INSIG2: variants seen among roughly 807,000 people sequenced by gnomAD.
The protein encoded by INSIG2 is insulin induced gene 2, also known as insulin-induced gene 2 protein.
In INSIG2, 10 loss-of-function variants were observed where a neutral mutation model predicts 27.2. The ratio of observed to expected loss-of-function variants is 0.37; its 90% confidence interval spans 0.23 to 0.62. The LOEUF (loss-of-function observed/expected upper bound fraction) is 0.62. INSIG2 is among the 20% of genes least tolerant of loss of function. The pLI is 0.65. For synonymous variants in INSIG2, 97 were observed against 95.8 expected (o/e 1.01, Z -0.07); for missense variants, 178 against 270.2 (o/e 0.66, Z 2.39).
At chr2:118,100,366 C>T (rs989573086) in intron 2 of INSIG2, among the ~76,000 whole-genome samples, 1 of 129,926 alleles carries the variant, frequency 7.7e-6, no homozygotes, top group Non-Finnish European at 1.6e-5. Context: ...GTATCTTACT[C>T]TTTTGCCTTT....
chr2:118,099,917 T>C (rs544663836), intron 2 of INSIG2, among the ~76,000 whole-genome samples: 12 of 152,308 alleles, frequency 7.9e-5, no homozygotes, highest in African/African-American at 2.9e-4. Context: ...AGCCCCCTTG[T>C]ATGGTACCCT....
chr2:118,090,557 A>G (rs1471931773), intron 1 of INSIG2, among the ~76,000 whole-genome samples: 2 of 152,224 alleles, frequency 1.3e-5, no homozygotes, highest in Non-Finnish European at 2.9e-5. Context: ...TCATTGATCT[A>G]TGCAAATTAT....
chr2:118,104,690 A>G (rs559530323), intron 3 of INSIG2, among the ~76,000 whole-genome samples: 3 of 152,338 alleles, frequency 2.0e-5, no homozygotes, highest in Admixed American at 6.5e-5. Context: ...AGCAGAGCTG[A>G]GAACAGCCCT....
chr2:118,096,167 G>A (rs1678399391), intron 1 of INSIG2, among the ~76,000 whole-genome samples: 1 of 152,064 alleles, frequency 6.6e-6, no homozygotes, highest in Non-Finnish European at 1.5e-5. Flanking sequence ...CTAACCTTCA[G>A]GTCTCTTAGG....
chr2:118,093,633 A>T (rs531740755), intron 1 of INSIG2, among the ~76,000 whole-genome samples: 2 of 75,672 alleles, frequency 2.6e-5, no homozygotes, highest in South Asian at 1.4e-3. Context: ...TAGCTACTGA[A>T]CCTTGCTAAA....
In INSIG2 at chr2:118,108,841, C is replaced by T. The variant is rs1678741917; in HGVS notation, c.*519C>T. The T allele has an allele frequency of 6.6e-6, 1 of 152,152 alleles. No individual in the cohort carries two copies. Among genetic ancestry groups the T allele is most frequent in the Non-Finnish European group, 1.5e-5 (1 of 68,026 alleles). The allele number at this position is 152,152 out of a possible 1,614,324, so 9.4% of individuals were successfully genotyped here. On this transcript the variant is annotated 3_prime_UTR_variant, in exon 6 of 6. Coordinates refer to ENST00000245787, the MANE Select transcript of INSIG2 (RefSeq NM_016133.4). ...ATCACAGCAGTATGAGTTATGAGTG[C>T]CCTAATTTGTGGTTAGTTTCTAATT...
intron 2 of INSIG2, among the ~76,000 whole-genome samples, chr2:118,097,068 G>A (rs1678425465): frequency 6.6e-6 from 1 of 151,868 alleles, no homozygotes; most frequent in South Asian, 2.1e-4. Context: ...CCCACCCCCA[G>A]CCTCAGGCTA....
chr2:118,104,449 T>A (rs1678625207), intron 3 of INSIG2, among the ~76,000 whole-genome samples: 1 of 152,206 alleles, frequency 6.6e-6, no homozygotes, highest in East Asian at 1.9e-4. Context: ...TTAGTTTTAA[T>A]TTCTGTTTGT....
chr2:118,093,300 TGAGGAGGAGGAG>T (rs1204152140), intron 1 of INSIG2, among the ~76,000 whole-genome samples: 2 of 8,270 alleles, frequency 2.4e-4, no homozygotes, highest in Admixed American at 1.2e-3. Flanking sequence ...ATGATGATGA[TGAGGAGGAGGAG>T]GAGGAGGAGG....
intron 2 of INSIG2, among the ~76,000 whole-genome samples, chr2:118,102,002 TTC>T (rs1381658961): frequency 2.0e-5 from 3 of 152,208 alleles, no homozygotes; most frequent in Non-Finnish European, 4.4e-5. Flanking sequence ...ACTAATTGGT[TTC>T]TGTTTTTCTT....
intron 2 of INSIG2, among the ~76,000 whole-genome samples, chr2:118,098,465 T>C (rs1678463459): frequency 6.6e-6 from 1 of 152,144 alleles, no homozygotes; most frequent in Admixed American, 6.6e-5. Flanking sequence ...CAGTGAGTGG[T>C]GTGACTGGGT....
chr2:118,101,633 G>A (rs955882497), intron 2 of INSIG2, among the ~76,000 whole-genome samples: 3 of 152,076 alleles, frequency 2.0e-5, no homozygotes, highest in African/African-American at 7.2e-5. Context: ...GAAAAAAAGA[G>A]GTGATATTCG....
intron 2 of INSIG2, among the ~76,000 whole-genome samples, chr2:118,097,737 A>G (rs1178094728): frequency 1.3e-5 from 2 of 152,226 alleles, no homozygotes; most frequent in African/African-American, 4.8e-5. Context: ...TTGAAGGAGA[A>G]AATTGCTTTT....
At chr2:118,102,359 A>G (rs1678567585) in intron 2 of INSIG2, among the ~76,000 whole-genome samples, 1 of 152,244 alleles carries the variant, frequency 6.6e-6, no homozygotes, top group Admixed American at 6.5e-5. Context: ...AATCATTGAC[A>G]TTTTATATAC....
rs1678790453 is a variant in INSIG2 at position 118,110,653 on chromosome 2, T to C, written c.*2331T>C. On this transcript the variant is annotated 3_prime_UTR_variant, in exon 6 of 6. Coordinates refer to ENST00000245787, the MANE Select transcript of INSIG2 (RefSeq NM_016133.4). ...GCAAAAAATAAAATTGTTTTGAAAT[T>C]TTGATAAATATATAAATGTATAGAA... 6.6e-6 allele frequency: 1 copy of C among 152,208 alleles called. No homozygotes were observed. The allele number at this position is 152,208 out of a possible 1,614,324, so 9.4% of individuals were successfully genotyped here. A position where few individuals can be genotyped will look rare whatever the true frequency, so the allele number is the denominator to read the frequency against.
At chr2:118,093,857 T>A (rs1333959696) in intron 1 of INSIG2, among the ~76,000 whole-genome samples, 4 of 91,918 alleles carry the variant, frequency 4.4e-5, no homozygotes, top group Admixed American at 2.1e-4. Flanking sequence ...CAGATGATGA[T>A]GATGATGAGG....
chr2:118,089,295 A>G (rs983363373), intron 1 of INSIG2, among the ~76,000 whole-genome samples: 4 of 152,180 alleles, frequency 2.6e-5, no homozygotes, highest in African/African-American at 9.7e-5. Flanking sequence ...TAGATGCTCT[A>G]GGAAAATATA....
intron 1 of INSIG2, among the ~76,000 whole-genome samples, chr2:118,092,557 A>G (rs1678280301): frequency 6.6e-6 from 1 of 152,158 alleles, no homozygotes; most frequent in Admixed American, 6.6e-5. Flanking sequence ...AGCAGTTGAG[A>G]TGGAATGGAA....
chr2:118,101,410 A>C (rs189807465), intron 2 of INSIG2, among the ~76,000 whole-genome samples: 2 of 152,354 alleles, frequency 1.3e-5, no homozygotes, highest in South Asian at 2.1e-4. Flanking sequence ...CATCACATGC[A>C]TAAAAATATA....
Sources: gnomAD v4.1 joint callset for allele counts (sites outside exome capture counted in the v4.1 genomes callset) on GRCh38, gnomAD v4.1.1 for gene constraint, MANE v1.5 for transcripts, NCBI Gene and HGNC (gene_info 2026-07-23, HGNC 2026-07-21) for gene names.